The following MGAT5 variants were observed in gnomAD, a reference collection of about 807,000 sequenced individuals.
MGAT5 encodes alpha-1,6-mannosylglycoprotein 6-beta-N-acetylglucosaminyltransferase A.
A neutral mutation model predicts 94.3 loss-of-function variants in MGAT5; 30 were observed. The observed-to-expected ratio is 0.32, with a 90% CI of 0.24 to 0.43. The LOEUF is 0.43. MGAT5 is among the 20% of genes least tolerant of loss of function. The pLI, the probability that MGAT5 is intolerant of heterozygous loss-of-function variation, is 1.00. For missense variants in MGAT5, 691 were observed against 905.5 expected (o/e 0.76, Z 3.04); for synonymous variants, 310 against 322.9 (o/e 0.96, Z 0.43).
intron 2 of MGAT5, among the ~76,000 whole-genome samples, chr2:134,312,138 T>A (rs1686712959): frequency 6.6e-6 from 1 of 152,260 alleles, no homozygotes; most frequent in South Asian, 2.1e-4. Context: ...TAGTTCCAGC[T>A]ACTTGGGAGG....
At chr2:134,409,627 G>A (rs1017995028) in intron 11 of MGAT5, among the ~76,000 whole-genome samples, 7 of 152,282 alleles carry the variant, frequency 4.6e-5, no homozygotes, top group East Asian at 3.9e-4. Flanking sequence ...TATGTGTTGT[G>A]TGTGTGTTTC....
chr2:134,358,401 A>T (rs1277556574), intron 9 of MGAT5, among the ~76,000 whole-genome samples: 1 of 152,260 alleles, frequency 6.6e-6, no homozygotes, highest in African/African-American at 2.4e-5. Flanking sequence ...TATTTCTGTT[A>T]TAATGAGGAA....
rs1051510062 is a variant in MGAT5 at position 134,207,213 on chromosome 2, C to T, written c.-142-47049C>T. On this transcript the variant is annotated intron_variant, in intron 1 of 16. Coordinates refer to the MGAT5 transcript ENST00000409645. The stretch of plus-strand genomic sequence containing the variant: ...TGCTTCCCTCTTCCGCATTTAAGGA[C>T]GCTGTGATTGCATTAGACCCACCTT... Among the ~76,000 whole-genome samples the T allele has an allele frequency of 4.6e-5, 7 of 152,286 alleles. No individual in the cohort carries two copies. In the South Asian group the frequency reaches 1.5e-3, roughly 32 times the overall value.
At chr2:134,182,940 T>C (rs1257214) in intron 1 of MGAT5, among the ~76,000 whole-genome samples, 128,827 of 151,742 alleles carry the variant, frequency 0.85, 54,909 homozygotes, top group African/African-American at 0.93. Flanking sequence ...GCGCCCACCA[T>C]CACACCTGGC....
chr2:134,352,303 A>G (rs1235791446), intron 9 of MGAT5, among the ~76,000 whole-genome samples: 1 of 152,208 alleles, frequency 6.6e-6, no homozygotes, highest in Non-Finnish European at 1.5e-5. Context: ...AAACAACCCA[A>G]GTAATCATCA....
intron 11 of MGAT5, among the ~76,000 whole-genome samples, chr2:134,405,464 C>G (rs1448203602): frequency 6.6e-6 from 1 of 152,192 alleles, no homozygotes; most frequent in Non-Finnish European, 1.5e-5. Context: ...GCTACAGGCT[C>G]CAAAATGAAT....
chr2:134,282,655 C>T (rs1472981190), intron 2 of MGAT5, among the ~76,000 whole-genome samples: 1 of 152,198 alleles, frequency 6.6e-6, no homozygotes, highest in African/African-American at 2.4e-5. Context: ...TCTCTTCTTT[C>T]TGGAGATGAC....
chr2:134,277,495 A>G (rs1684451549), intron 2 of MGAT5, among the ~76,000 whole-genome samples: 1 of 152,058 alleles, frequency 6.6e-6, no homozygotes, highest in South Asian at 2.1e-4. Flanking sequence ...TCTCCTGAGA[A>G]CTCACTACCA....
intron 10 of MGAT5, among the ~76,000 whole-genome samples, chr2:134,366,011 G>T (rs1318034311): frequency 2.6e-5 from 4 of 152,064 alleles, no homozygotes; most frequent in African/African-American, 9.7e-5. Flanking sequence ...AATCCCAGGG[G>T]CATCAACTTA....
At chr2:134,137,888 C>CTTTTTTTTTTTTT (rs752475959) in intron 1 of MGAT5, among the ~76,000 whole-genome samples, 1 of 126,788 alleles carries the variant, frequency 7.9e-6, no homozygotes, top group Non-Finnish European at 1.7e-5. Flanking sequence ...CCTTTCTTTT[C>CTTTTTTTTTTTTT]TTTTTTTTTT....
chr2:134,322,105 T>C (rs147776598), intron 4 of MGAT5, among the ~76,000 whole-genome samples: 153 of 152,308 alleles, frequency 1.0e-3, no homozygotes, highest in Middle Eastern at 6.8e-3. Flanking sequence ...TCTTCCTTTA[T>C]GAAATAATAG....
intron 1 of MGAT5, among the ~76,000 whole-genome samples, chr2:134,157,913 C>G (rs1401001233): frequency 6.6e-6 from 1 of 152,188 alleles, no homozygotes; most frequent in Non-Finnish European, 1.5e-5. Context: ...TGGGTAGCTT[C>G]TATCCACAGG....
At chr2:134,313,095 T>C (rs1573771399) in intron 2 of MGAT5, among the ~76,000 whole-genome samples, 2 of 149,200 alleles carry the variant, frequency 1.3e-5, no homozygotes, top group African/African-American at 2.5e-5. Context: ...CACACACATA[T>C]CTGTCTGGTT....
At chr2:134,203,904 G>A (rs1226093483) in intron 1 of MGAT5, among the ~76,000 whole-genome samples, 1 of 152,088 alleles carries the variant, frequency 6.6e-6, no homozygotes, top group Non-Finnish European at 1.5e-5. Context: ...AAAATGTGAT[G>A]GTAGCTACTT....
intron 2 of MGAT5, among the ~76,000 whole-genome samples, chr2:134,274,251 G>A (rs998050557): frequency 6.6e-6 from 1 of 152,228 alleles, no homozygotes; most frequent in African/African-American, 2.4e-5. Context: ...ACATGGATTG[G>A]TTTCTATTGG....
chr2:134,381,823 T>C (rs932241035), intron 10 of MGAT5, among the ~76,000 whole-genome samples: 2 of 152,262 alleles, frequency 1.3e-5, no homozygotes, highest in African/African-American at 4.8e-5. Flanking sequence ...CTCTAAATCA[T>C]TTCAATTTGT....
intron 1 of MGAT5, among the ~76,000 whole-genome samples, chr2:134,222,770 A>G (rs1680852530): frequency 6.6e-6 from 1 of 152,288 alleles, no homozygotes; most frequent in Non-Finnish European, 1.5e-5. Context: ...CTTAGAGCCA[A>G]TTAATTGTTC....
At chr2:134,168,112 G>C (rs1345256617) in intron 1 of MGAT5, among the ~76,000 whole-genome samples, 1 of 152,160 alleles carries the variant, frequency 6.6e-6, no homozygotes, top group Admixed American at 6.5e-5. Context: ...TTAATTTATT[G>C]TTGCATTAAA....
At chr2:134,256,484 A>G (rs953522921) in intron 1 of MGAT5, among the ~76,000 whole-genome samples, 7 of 152,218 alleles carry the variant, frequency 4.6e-5, no homozygotes, top group African/African-American at 1.4e-4. Flanking sequence ...CACAAATAGC[A>G]AATTTATAGG....
Sources: gnomAD v4.1 joint callset for allele counts (sites outside exome capture counted in the v4.1 genomes callset) on GRCh38, gnomAD v4.1.1 for gene constraint, MANE v1.5 for transcripts, NCBI Gene and HGNC (gene_info 2026-07-23, HGNC 2026-07-21) for gene names.